SLC35F5: variants seen among roughly 807,000 people sequenced by gnomAD.
SLC35F5 encodes solute carrier family 35 member F5.
In SLC35F5, 54 loss-of-function variants were observed where a neutral mutation model predicts 68.6. The observed-to-expected ratio is 0.79, with a 90% CI of 0.63 to 0.99. The LOEUF is 0.99. Ranked by LOEUF, SLC35F5 falls within the 50% of genes least tolerant of loss-of-function variation. SLC35F5 has a pLI of 0.00. For missense variants in SLC35F5, 567 were observed against 626.9 expected (o/e 0.90, Z 1.02); for synonymous variants, 211 against 205.2 (o/e 1.03, Z -0.24).
intron 3 of SLC35F5, among the ~76,000 whole-genome samples, 183 bp from the exon 4 acceptor site, chr2:113,750,751 A>G (rs1183858819): frequency 2.0e-5 from 3 of 152,246 alleles, no homozygotes; most frequent in Non-Finnish European, 4.4e-5. Context: ...TGCACACAGA[A>G]GGGCACCACC....
chr2:113,755,589 A>C (rs1559372468), intron 1 of SLC35F5, 45 bp from the exon 2 acceptor site: 2 of 1,528,228 alleles, frequency 1.3e-6, no homozygotes, highest in Non-Finnish European at 1.8e-6. Context: ...TGAATAACTC[A>C]AGGTAAGATT....
At chr2:113,745,559 A>G (rs1302657859) in intron 5 of SLC35F5, among the ~76,000 whole-genome samples, 1 of 152,184 alleles carries the variant, frequency 6.6e-6, no homozygotes, top group African/African-American at 2.4e-5. Context: ...GTATGCTTGT[A>G]TTTAGGAGGC....
At chr2:113,755,406 G>C (rs770327751) in intron 2 of SLC35F5, 48 bp downstream of exon 2, 3 of 1,603,202 alleles carry the variant, frequency 1.9e-6, no homozygotes, top group South Asian at 1.1e-5. Context: ...ACTTTTGTTA[G>C]CTAATGTTCA....
rs1686868607 is a variant in SLC35F5 at position 113,708,566 on chromosome 2, C to T, written c.*6652G>A. ...CTATAAATACAAAAAATTAGCTGGG[C>T]GTGGTGGTGCATGTCTGTAATCCCA... is the stretch of plus-strand genomic sequence containing the variant. On this transcript the variant is annotated 3_prime_UTR_variant, in exon 16 of 16. Coordinates refer to ENST00000245680, the MANE Select transcript of SLC35F5 (RefSeq NM_025181.5). Among the ~76,000 whole-genome samples the T allele has an allele frequency of 2.0e-5, 3 of 151,896 alleles. No homozygotes were observed. The highest frequency in any genetic ancestry group is 2.1e-4 in the South Asian group (1 of 4,820).
chr2:113,723,244 A>G, intron 12 of SLC35F5, 50 bp from the exon 13 acceptor site: 1 of 1,324,288 alleles, frequency 7.6e-7, no homozygotes, highest in Non-Finnish European at 1.0e-6. Flanking sequence ...TAAACCAAAG[A>G]AAAACACTGA....
At chr2:113,746,381 A>G (rs1428560057) in intron 4 of SLC35F5, 42 bp from the exon 5 acceptor site, 2 of 1,503,166 alleles carry the variant, frequency 1.3e-6, no homozygotes, top group African/African-American at 1.4e-5. Flanking sequence ...TGAAACTTAC[A>G]TTATACTGTA....
intron 9 of SLC35F5, among the ~76,000 whole-genome samples, chr2:113,732,406 G>A (rs1687929683): frequency 6.6e-6 from 1 of 150,814 alleles, no homozygotes; most frequent in Non-Finnish European, 1.5e-5. Context: ...ACGTTTTCAA[G>A]TAGATGAGAT....
chr2:113,746,712 G>T (rs544128578), intron 4 of SLC35F5, among the ~76,000 whole-genome samples: 1 of 152,244 alleles, frequency 6.6e-6, no homozygotes, highest in Admixed American at 6.5e-5. Flanking sequence ...ATCATTTGAG[G>T]TCAGGAGTTC....
intron 13 of SLC35F5, 67 bp from the exon 14 acceptor site, chr2:113,719,375 G>C: frequency 7.1e-7 from 1 of 1,413,662 alleles, no homozygotes; most frequent in Non-Finnish European, 9.3e-7. Flanking sequence ...CCCCTTCAAT[G>C]TAAGTTTTCT....
At chr2:113,720,702 A>C (rs1005733165) in intron 13 of SLC35F5, among the ~76,000 whole-genome samples, 2 of 152,220 alleles carry the variant, frequency 1.3e-5, no homozygotes, top group African/African-American at 4.8e-5. Context: ...AGATCAGAAA[A>C]GGTATTAAGA....
intron 14 of SLC35F5, among the ~76,000 whole-genome samples, chr2:113,718,604 T>TG (rs1490663149): frequency 6.6e-6 from 1 of 152,116 alleles, no homozygotes; most frequent in African/African-American, 2.4e-5. Context: ...AAGGCCAGCC[T>TG]GGCCAACACG....
chr2:113,744,311 T>A (rs1393371931), intron 5 of SLC35F5, among the ~76,000 whole-genome samples: 1 of 152,232 alleles, frequency 6.6e-6, no homozygotes, highest in East Asian at 1.9e-4. Flanking sequence ...AATTGTCTCC[T>A]CTTATTATGT....
At chr2:113,728,166 T>C (rs1028942509) in intron 11 of SLC35F5, among the ~76,000 whole-genome samples, 3 of 152,158 alleles carry the variant, frequency 2.0e-5, no homozygotes, top group Non-Finnish European at 2.9e-5. Context: ...TATTATGCTA[T>C]ATTTCTTGAA....
At chr2:113,753,774 G>T (rs1165813770) in intron 3 of SLC35F5, among the ~76,000 whole-genome samples, 1 of 151,868 alleles carries the variant, frequency 6.6e-6, no homozygotes, top group African/African-American at 2.4e-5. Context: ...ATTTAACCAG[G>T]TGCTATTTTG....
chr2:113,748,513 G>A (rs539990562), intron 4 of SLC35F5, among the ~76,000 whole-genome samples: 6 of 152,228 alleles, frequency 3.9e-5, no homozygotes, highest in Non-Finnish European at 5.9e-5. Context: ...TGAAAAGAAT[G>A]GCAGGATATA....
intron 4 of SLC35F5, among the ~76,000 whole-genome samples, chr2:113,747,376 ATATCCACAGCTAGTCTATCAT>A (rs1469600990): frequency 4.6e-5 from 7 of 152,192 alleles, no homozygotes; most frequent in African/African-American, 1.2e-4. Flanking sequence ...ATTTCATTTC[ATATCCACAGCTAGTCTATCAT>A]TATCTCTGCT....
downstream of SLC35F5, chr2:113,703,796 C>A (rs1686740673): frequency 6.6e-6 from 1 of 152,220 alleles, no homozygotes; most frequent in African/African-American, 2.4e-5. Context: ...ACTGACTCCA[C>A]AATTGGCCTA....
chr2:113,742,997 G>T, intron 6 of SLC35F5, 118 bp from the exon 7 acceptor site: 1 of 976,374 alleles, frequency 1.0e-6, no homozygotes, highest in Non-Finnish European at 1.5e-6. Context: ...GACAGTCAAA[G>T]TAAACCAAAA....
chr2:113,726,443 TTA>T (rs1401676512), intron 11 of SLC35F5, among the ~76,000 whole-genome samples: 3 of 152,282 alleles, frequency 2.0e-5, no homozygotes, highest in East Asian at 3.9e-4. Flanking sequence ...CCTATACAGT[TTA>T]TGTCACAAAT....
Sources: gnomAD v4.1 joint callset for allele counts (sites outside exome capture counted in the v4.1 genomes callset) on GRCh38, gnomAD v4.1.1 for gene constraint, MANE v1.5 for transcripts, NCBI Gene and HGNC (gene_info 2026-07-23, HGNC 2026-07-21) for gene names.